VPS41: variants seen among roughly 807,000 people sequenced by gnomAD.
The protein encoded by VPS41 is vacuolar protein sorting-associated protein 41 homolog.
In VPS41, 85 loss-of-function variants were observed where a neutral mutation model predicts 130.9. That is an observed-to-expected ratio of 0.65 (90% CI 0.55 to 0.78). The LOEUF (loss-of-function observed/expected upper bound fraction) is 0.78, where lower values mean the gene tolerates loss of function less well. Ranked by LOEUF, VPS41 falls within the 30% of genes least tolerant of loss-of-function variation. The probability of loss-of-function intolerance (pLI) is 0.00; values close to 1 mark genes in which losing one functional copy is unlikely to be tolerated. For synonymous variants in VPS41, 335 were observed against 332.9 expected, an observed-to-expected ratio of 1.01 and a Z score of -0.07; for missense variants, 874 against 1,018.7, an observed-to-expected ratio of 0.86 and a Z score of 1.93.
At chr7:38,782,049 C>T (rs1003500810) in intron 10 of VPS41, among the ~76,000 whole-genome samples, 1 of 152,188 alleles carries the variant, frequency 6.6e-6, no homozygotes, top group Non-Finnish European at 1.5e-5. Flanking sequence ...AAAAATATGG[C>T]AGATTGCTTT....
intron 10 of VPS41, among the ~76,000 whole-genome samples, chr7:38,779,118 C>T (rs765956570): frequency 5.3e-5 from 8 of 152,184 alleles, no homozygotes; most frequent in Non-Finnish European, 8.8e-5. Context: ...TTGTAATAAA[C>T]GCTTACTTGT....
chr7:38,769,818 C>G (rs1784119438), intron 14 of VPS41, among the ~76,000 whole-genome samples: 1 of 152,232 alleles, frequency 6.6e-6, no homozygotes, highest in Non-Finnish European at 1.5e-5. Flanking sequence ...ATCTCCATCT[C>G]AGCTGGCCCT....
intron 4 of VPS41, among the ~76,000 whole-genome samples, chr7:38,833,766 C>A: frequency 6.6e-6 from 1 of 151,944 alleles, no homozygotes; most frequent in Non-Finnish European, 1.5e-5. Flanking sequence ...ATAAAAAATT[C>A]CAATTCAACA....
intron 2 of VPS41, among the ~76,000 whole-genome samples, chr7:38,871,131 A>G (rs1488042165): frequency 6.6e-6 from 1 of 152,214 alleles, no homozygotes; most frequent in Non-Finnish European, 1.5e-5. Context: ...ATTTTCCAAA[A>G]CTGATAAGAC....
At chr7:38,816,521 C>T (rs1439143055) in intron 7 of VPS41, among the ~76,000 whole-genome samples, 3 of 152,182 alleles carry the variant, frequency 2.0e-5, no homozygotes, top group Non-Finnish European at 4.4e-5. Context: ...TAGCTATAGA[C>T]TACTTCCTTT....
At chr7:38,737,880 G>A (rs1185100357) in intron 25 of VPS41, among the ~76,000 whole-genome samples, 1 of 152,182 alleles carries the variant, frequency 6.6e-6, no homozygotes, top group Non-Finnish European at 1.5e-5. Flanking sequence ...TAACTAGGCA[G>A]GTGTTGGCCT....
At chr7:38,868,212 G>A (rs1226842023) in intron 3 of VPS41, among the ~76,000 whole-genome samples, 1 of 152,220 alleles carries the variant, frequency 6.6e-6, no homozygotes, top group Non-Finnish European at 1.5e-5. Flanking sequence ...AAAGGGACCA[G>A]AAGTTGGAGA....
chr7:38,794,540 G>A (rs1029783180), intron 9 of VPS41, among the ~76,000 whole-genome samples: 1 of 152,122 alleles, frequency 6.6e-6, no homozygotes, highest in South Asian at 2.1e-4. Flanking sequence ...AATTACATCA[G>A]ATTCTATGCA....
intron 17 of VPS41, among the ~76,000 whole-genome samples, chr7:38,759,827 G>T (rs1298916192): frequency 1.3e-5 from 2 of 151,966 alleles, no homozygotes; most frequent in Non-Finnish European, 2.9e-5. Context: ...GGGCTGCTGG[G>T]TGCAACTGGT....
At chr7:38,821,342 A>G in intron 5 of VPS41, 77 bp from the exon 6 acceptor site, 14 of 917,528 alleles carry the variant, frequency 1.5e-5, no homozygotes, top group Non-Finnish European at 2.4e-5. Context: ...AACACATACT[A>G]TCAATAAGAA....
intron 5 of VPS41, among the ~76,000 whole-genome samples, chr7:38,823,792 G>A (rs900484783): frequency 1.1e-4 from 17 of 152,142 alleles, no homozygotes; most frequent in African/African-American, 3.9e-4. Flanking sequence ...TCCTGAGGCT[G>A]GCCTTGAAAT....
intron 7 of VPS41, among the ~76,000 whole-genome samples, chr7:38,799,311 C>T (rs965810348): frequency 1.3e-5 from 2 of 151,718 alleles, no homozygotes; most frequent in African/African-American, 2.4e-5. Context: ...AAATTAATAA[C>T]GAAGAATGAG....
At chr7:38,819,274 G>T (rs1313542353) in intron 6 of VPS41, among the ~76,000 whole-genome samples, 1 of 152,200 alleles carries the variant, frequency 6.6e-6, no homozygotes, top group Admixed American at 6.5e-5. Context: ...GAGGGTCTAG[G>T]ACTCTTCCAA....
intron 1 of VPS41, among the ~76,000 whole-genome samples, chr7:38,898,769 C>T (rs1475757458): frequency 1.3e-5 from 2 of 152,208 alleles, no homozygotes; most frequent in African/African-American, 4.8e-5. Context: ...TGACTTGATC[C>T]TGCTAATCTC....
intron 7 of VPS41, among the ~76,000 whole-genome samples, chr7:38,815,924 CTATATATA>C (rs3056367): frequency 0.35 from 53,112 of 150,050 alleles, 9,964 homozygotes; most frequent in Admixed American, 0.56. Flanking sequence ...CAATAAACTA[CTATATATA>C]TATATATATA....
At chr7:38,734,175 A>ATACT (rs895114240) in intron 25 of VPS41, among the ~76,000 whole-genome samples, 5 of 152,214 alleles carry the variant, frequency 3.3e-5, no homozygotes, top group African/African-American at 1.2e-4. Flanking sequence ...ATCTCAAAAA[A>ATACT]TACTTGTAGG....
intron 4 of VPS41, among the ~76,000 whole-genome samples, chr7:38,832,393 C>A (rs1785408406): frequency 6.8e-6 from 1 of 147,880 alleles, no homozygotes; most frequent in African/African-American, 2.5e-5. Flanking sequence ...AATCTCAGCT[C>A]ACTGCAACCT....
At chr7:38,843,111 A>G (rs1011200599) in intron 4 of VPS41, among the ~76,000 whole-genome samples, 1 of 152,244 alleles carries the variant, frequency 6.6e-6, no homozygotes, top group Non-Finnish European at 1.5e-5. Context: ...TTTTGTTAAA[A>G]TGTTATTTTC....
chr7:38,800,218 T>C (rs2116007231), intron 7 of VPS41, among the ~76,000 whole-genome samples: 1 of 152,298 alleles, frequency 6.6e-6, no homozygotes, highest in East Asian at 1.9e-4. Flanking sequence ...TTTATGCATG[T>C]ATCTTCATTA....
Sources: gnomAD v4.1 joint callset for allele counts (sites outside exome capture counted in the v4.1 genomes callset) on GRCh38, gnomAD v4.1.1 for gene constraint, MANE v1.5 for transcripts, NCBI Gene and HGNC (gene_info 2026-07-23, HGNC 2026-07-21) for gene names.